TMEM132D: variants seen among roughly 807,000 people sequenced by gnomAD.
TMEM132D encodes transmembrane protein 132D.
In TMEM132D, 21 loss-of-function variants were observed where a neutral mutation model predicts 62.3. The observed-to-expected ratio is 0.34, with a 90% CI of 0.24 to 0.49. TMEM132D has a LOEUF of 0.49. Among genes scored for constraint, TMEM132D ranks in the 20% least tolerant of loss-of-function variants. TMEM132D has a pLI of 0.99. For missense variants in TMEM132D, 1,346 were observed against 1,402.8 expected, an observed-to-expected ratio of 0.96 and a Z score of 0.65; for synonymous variants, 621 against 575.6, an observed-to-expected ratio of 1.08 and a Z score of -1.13.
chr12:129,608,466 C>T (rs1878686056), intron 2 of TMEM132D, among the ~76,000 whole-genome samples: 1 of 152,134 alleles, frequency 6.6e-6, no homozygotes, highest in South Asian at 2.1e-4. Flanking sequence ...CAGGTCAGAG[C>T]TTAGACAACC....
intron 2 of TMEM132D, among the ~76,000 whole-genome samples, chr12:129,667,792 T>C (rs1880412121): frequency 6.6e-6 from 1 of 152,154 alleles, no homozygotes; most frequent in African/African-American, 2.4e-5. Context: ...CATTGGGCTA[T>C]ATTTGTGCAA....
intron 3 of TMEM132D, among the ~76,000 whole-genome samples, chr12:129,509,985 G>A (rs1463580424): frequency 3.3e-5 from 5 of 152,016 alleles, no homozygotes; most frequent in Admixed American, 6.6e-5. Flanking sequence ...GGTATATACC[G>A]AGCAATAGGA....
chr12:129,849,123 C>A (rs1473028750), intron 1 of TMEM132D, among the ~76,000 whole-genome samples: 1 of 152,182 alleles, frequency 6.6e-6, no homozygotes. Flanking sequence ...ATAATGCAAG[C>A]AGTCAGACCT....
At chr12:129,830,105 A>T (rs1872784052) in intron 1 of TMEM132D, among the ~76,000 whole-genome samples, 2 of 152,172 alleles carry the variant, frequency 1.3e-5, no homozygotes, top group Non-Finnish European at 2.9e-5. Context: ...TGCATCCTCC[A>T]ACTGCAAATT....
At chr12:129,426,984 T>C (rs1872518736) in intron 3 of TMEM132D, among the ~76,000 whole-genome samples, 1 of 152,218 alleles carries the variant, frequency 6.6e-6, no homozygotes, top group South Asian at 2.1e-4. Context: ...AAAGTCACTT[T>C]CCTTTACTAA....
At chr12:129,583,477 C>T (rs78404813) in intron 2 of TMEM132D, among the ~76,000 whole-genome samples, 2,371 of 152,272 alleles carry the variant, frequency 0.016, 67 homozygotes, top group African/African-American at 0.054. Flanking sequence ...CAATGGGTGA[C>T]GTTGACTCTT....
At position 129,577,342 on chromosome 12, in the gene TMEM132D, T is replaced by C. The variant is rs147079580; in HGVS notation, c.969-46137A>G. ...CAGTTAACTTTATGCAGTTGTGATA[T>C]GTATTTCTATGTATATCCTCTTGGT... On this transcript the variant is annotated intron_variant, in intron 2 of 8. Coordinates refer to ENST00000422113, the MANE Select transcript of TMEM132D (RefSeq NM_133448.3). Among the ~76,000 whole-genome samples the C allele has an allele frequency of 9.6e-4, 145 of 151,260 alleles. 2 individuals carry two copies. Among genetic ancestry groups the C allele is most frequent in the African/African-American group, 3.4e-3 (139 of 41,034 alleles).
At chr12:129,596,003 C>T (rs1878325602) in intron 2 of TMEM132D, among the ~76,000 whole-genome samples, 1 of 152,198 alleles carries the variant, frequency 6.6e-6, no homozygotes, top group African/African-American at 2.4e-5. Context: ...TCAATAAGTT[C>T]AAAGGCTTGA....
At chr12:129,700,835 T>A in intron 1 of TMEM132D, 137 bp from the exon 2 acceptor site, 1 of 955,730 alleles carries the variant, frequency 1.0e-6, no homozygotes, top group Non-Finnish European at 1.5e-6. Context: ...CCAAACCTCT[T>A]AATCCAATCT....
chr12:129,810,040 A>C (rs1040326104), intron 1 of TMEM132D, among the ~76,000 whole-genome samples: 3 of 152,308 alleles, frequency 2.0e-5, no homozygotes, highest in African/African-American at 7.2e-5. Flanking sequence ...GGAGAAAGGG[A>C]AATCTCTAGC....
chr12:129,670,280 G>A (rs141768525), intron 2 of TMEM132D, among the ~76,000 whole-genome samples: 1 of 152,156 alleles, frequency 6.6e-6, no homozygotes, highest in African/African-American at 2.4e-5. Flanking sequence ...CCTCCTTCTT[G>A]CCTGAGGACT....
At chr12:129,816,848 T>A (rs1286572327) in intron 1 of TMEM132D, among the ~76,000 whole-genome samples, 2 of 152,230 alleles carry the variant, frequency 1.3e-5, no homozygotes, top group Non-Finnish European at 2.9e-5. Flanking sequence ...TGAATGAATA[T>A]TTCTAAAATA....
intron 2 of TMEM132D, among the ~76,000 whole-genome samples, chr12:129,559,176 G>A (rs1214538707): frequency 6.6e-6 from 1 of 152,140 alleles, no homozygotes; most frequent in Admixed American, 6.6e-5. Flanking sequence ...CTAGATAAGT[G>A]ACAAAATGGC....
At chr12:129,332,327 G>T (rs1312787537) in intron 4 of TMEM132D, among the ~76,000 whole-genome samples, 1 of 151,936 alleles carries the variant, frequency 6.6e-6, no homozygotes, top group Non-Finnish European at 1.5e-5. Context: ...AGACATTAGG[G>T]GGAAAAAAGG....
intron 1 of TMEM132D, among the ~76,000 whole-genome samples, chr12:129,728,363 T>C (rs1869110197): frequency 6.6e-6 from 1 of 152,260 alleles, no homozygotes; most frequent in Middle Eastern, 3.2e-3. Context: ...ACATTTTGCT[T>C]CTGAGTGAGA....
chr12:129,724,883 A>G (rs1177925052), intron 1 of TMEM132D, among the ~76,000 whole-genome samples: 1 of 152,216 alleles, frequency 6.6e-6, no homozygotes, highest in East Asian at 1.9e-4. Flanking sequence ...AGGAAATTAT[A>G]CAGCTAGGCA....
chr12:129,653,868 A>G (rs1879995488), intron 2 of TMEM132D, among the ~76,000 whole-genome samples: 1 of 152,186 alleles, frequency 6.6e-6, no homozygotes, highest in Non-Finnish European at 1.5e-5. Flanking sequence ...CAGTCCATAC[A>G]TTATTCACGT....
intron 2 of TMEM132D, among the ~76,000 whole-genome samples, chr12:129,580,238 C>T (rs947466220): frequency 6.6e-6 from 1 of 152,070 alleles, no homozygotes; most frequent in Non-Finnish European, 1.5e-5. Context: ...AAACTCGGGT[C>T]GAAAATAAGA....
intron 1 of TMEM132D, among the ~76,000 whole-genome samples, chr12:129,806,798 G>A (rs1872000466): frequency 6.6e-6 from 1 of 152,160 alleles, no homozygotes; most frequent in Non-Finnish European, 1.5e-5. Flanking sequence ...GGCCAAGGTG[G>A]GTGCATTGCT....
Sources: gnomAD v4.1 joint callset for allele counts (sites outside exome capture counted in the v4.1 genomes callset) on GRCh38, gnomAD v4.1.1 for gene constraint, MANE v1.5 for transcripts, NCBI Gene and HGNC (gene_info 2026-07-23, HGNC 2026-07-21) for gene names.